Variants in PAX7 observed in about 807,000 individuals in gnomAD.
The protein encoded by PAX7 is paired box 7.
A neutral mutation model predicts 50.7 loss-of-function variants in PAX7; 18 were observed. The observed-to-expected ratio is 0.36, with a 90% CI of 0.25 to 0.53. PAX7 has a LOEUF of 0.53. Ranked by LOEUF, PAX7 falls within the 20% of genes least tolerant of loss-of-function variation. The pLI, the probability that PAX7 is intolerant of heterozygous loss-of-function variation, is 0.93. For missense variants in PAX7, 644 were observed against 702.9 expected (o/e 0.92, Z 0.95); for synonymous variants, 310 against 290.4 (o/e 1.07, Z -0.69).
At chr1:18,705,181 C>T (rs1570199447) in intron 7 of PAX7, among the ~76,000 whole-genome samples, 1 of 152,220 alleles carries the variant, frequency 6.6e-6, no homozygotes, top group African/African-American at 2.4e-5. Flanking sequence ...ACATGGAATA[C>T]AGCCTGTCGG....
intron 7 of PAX7, among the ~76,000 whole-genome samples, chr1:18,712,987 G>A (rs909064518): frequency 1.3e-5 from 2 of 152,092 alleles, no homozygotes; most frequent in African/African-American, 4.8e-5. Context: ...GAGGCTGAGG[G>A]GGGAGGATCG....
rs774118673 is a variant in PAX7 at position 18,735,877 on chromosome 1, G to C, written c.1401G>C (p.Gln467His). The change falls in exon 8 of 9, where the codon CAG (glutamine) becomes CAC (histidine). Residue 467 changes from glutamine to histidine, a missense_variant and splice_region_variant. Gln to His is a conservative substitution (Grantham distance 24, BLOSUM62 0). Transcript: ENST00000420770. The surrounding 1 kb of genome is among the most constrained non-coding windows in gnomAD (Gnocchi z 4.0). Reference sequence around the variant, plus strand: ...GCTATCAGTACGGCCAGTACGGCCAGAGTGAGTGCCTGGTGCCCTGGGCGT... The same window carrying C: ...GCTATCAGTACGGCCAGTACGGCCACAGTGAGTGCCTGGTGCCCTGGGCGT... ...VAGYQYGQYG[Q>H]TAVDYLAKNV... The C allele has an allele frequency of 1.2e-6, 2 of 1,614,132 alleles. No homozygotes were observed. The highest frequency in any genetic ancestry group is 2.2e-5 in the South Asian group (2 of 91,082).
intron 4 of PAX7, among the ~76,000 whole-genome samples, chr1:18,683,006 A>C (rs1300856234): frequency 6.6e-6 from 1 of 152,090 alleles, no homozygotes; most frequent in African/African-American, 2.4e-5. Context: ...AGGACAGGGG[A>C]GTACCTGTGT....
chr1:18,676,363 A>T (rs2088821151), intron 4 of PAX7, among the ~76,000 whole-genome samples: 1 of 143,540 alleles, frequency 7.0e-6, no homozygotes, highest in South Asian at 2.4e-4. Context: ...CAGTAGATTG[A>T]TGGGGGCACG....
At chr1:18,705,643 A>G (rs189602176) in intron 7 of PAX7, among the ~76,000 whole-genome samples, 17 of 152,260 alleles carry the variant, frequency 1.1e-4, no homozygotes, top group Middle Eastern at 3.4e-3. Context: ...AGGCCTCCAG[A>G]GTGTGGGTCG....
At chr1:18,647,293 C>A (rs1364603681) in intron 4 of PAX7, among the ~76,000 whole-genome samples, 1 of 152,152 alleles carries the variant, frequency 6.6e-6, no homozygotes, top group African/African-American at 2.4e-5. Context: ...GAGAAAGTTG[C>A]AGCCGTTGGA....
At chr1:18,728,112 C>T (rs911154730) in intron 7 of PAX7, among the ~76,000 whole-genome samples, 1 of 152,036 alleles carries the variant, frequency 6.6e-6, no homozygotes, top group Non-Finnish European at 1.5e-5. Context: ...TAGGGGCATG[C>T]GTGTGTCTGG....
chr1:18,634,651 G>A lies in PAX7; in HGVS notation c.321+113G>A. 1 of 785,372 alleles carries A rather than the reference G, an allele frequency of 1.3e-6. No homozygotes were observed. Among genetic ancestry groups the A allele is most frequent in the Non-Finnish European group, 2.1e-6 (1 of 486,640 alleles). 48.7% of individuals were successfully genotyped at this position (785,372 alleles called of 1,614,324 possible). A position where few individuals can be genotyped will look rare whatever the true frequency, so the allele number is the denominator to read the frequency against. On this transcript the variant is annotated intron_variant, in intron 2 of 8. Coordinates refer to ENST00000420770, the MANE Select transcript of PAX7 (RefSeq NM_001135254.2). The surrounding 1 kb of genome is among the most constrained non-coding windows in gnomAD (Gnocchi z 4.0). Reference sequence around the variant, plus strand: ...AGGCTGTAGGAAAGTACAGCTGGAGGGTGTCTTCTACTCCCAGATGTCCTC... The same window carrying A: ...AGGCTGTAGGAAAGTACAGCTGGAGAGTGTCTTCTACTCCCAGATGTCCTC...
rs1931543953 is a variant in PAX7 at position 18,748,525 on chromosome 1, A to G, written c.*3596A>G. 4.3e-6 allele frequency: 1 copy of G among 231,354 alleles called. No homozygotes were observed. Among genetic ancestry groups the G allele is most frequent in the South Asian group, 1.8e-4 (1 of 5,516 alleles). The allele number at this position is 231,354 out of a possible 1,614,324, so 14.3% of individuals were successfully genotyped here. A position where few individuals can be genotyped will look rare whatever the true frequency, so the allele number is the denominator to read the frequency against. Reference sequence around the variant, plus strand: ...TGTGTATTTGATGCTTCTTCAAGTCAGCTCTGACGTGGCCAATTCCCTGAC... The same window carrying G: ...TGTGTATTTGATGCTTCTTCAAGTCGGCTCTGACGTGGCCAATTCCCTGAC... On this transcript the variant is annotated 3_prime_UTR_variant, in exon 9 of 9. Transcript: ENST00000420770.
intron 5 of PAX7, among the ~76,000 whole-genome samples, chr1:18,692,708 T>C (rs1000468878): frequency 1.3e-5 from 2 of 152,224 alleles, no homozygotes; most frequent in East Asian, 3.9e-4. Flanking sequence ...GAGTGTTCTG[T>C]TACCGGAAGC....
intron 7 of PAX7, among the ~76,000 whole-genome samples, chr1:18,710,550 TA>T (rs931948111): frequency 2.6e-5 from 4 of 151,000 alleles, no homozygotes; most frequent in African/African-American, 7.3e-5. Context: ...GCCCAGAATT[TA>T]AAAAAAAACT....
At chr1:18,691,297 G>A (rs2089066249) in intron 4 of PAX7, among the ~76,000 whole-genome samples, 1 of 152,080 alleles carries the variant, frequency 6.6e-6, no homozygotes, top group African/African-American at 2.4e-5. Flanking sequence ...CTTAAAGTCA[G>A]GATTATTGAG....
At position 18,634,613 on chromosome 1, in the gene PAX7, A is replaced by C; in HGVS notation, c.321+75A>C. 8.5e-7 allele frequency: 1 copy of C among 1,171,590 alleles called. No homozygotes were observed. The highest frequency in any genetic ancestry group is 1.2e-6 in the Non-Finnish European group (1 of 801,050). 72.6% of individuals were successfully genotyped at this position (1,171,590 alleles called of 1,614,324 possible). On this transcript the variant is annotated intron_variant, in intron 2 of 8. Coordinates refer to ENST00000420770, the MANE Select transcript of PAX7 (RefSeq NM_001135254.2). This position sits in a 1 kb window ranked among gnomAD's most constrained non-coding sequence, Gnocchi z 4.0. Reference sequence around the variant, plus strand: ...GCTCCTGGTTGTGGCCCCTCTTACTACCTCGTGGCACCAGGCTGTAGGAAA... The same window carrying C: ...GCTCCTGGTTGTGGCCCCTCTTACTCCCTCGTGGCACCAGGCTGTAGGAAA...
chr1:18,722,267 C>T (rs1268069685), intron 7 of PAX7, among the ~76,000 whole-genome samples: 4 of 152,018 alleles, frequency 2.6e-5, no homozygotes, highest in Non-Finnish European at 2.9e-5. Flanking sequence ...TAGGATAAGG[C>T]GGGGACTCCA....
chr1:18,634,618 G>A lies in PAX7; in HGVS notation c.321+80G>A, dbSNP rs745983143. The A allele has an allele frequency of 3.3e-5, 38 of 1,145,172 alleles. 1 individual carries two copies. Among genetic ancestry groups the A allele is most frequent in the Non-Finnish European group, 3.9e-5 (30 of 778,416 alleles). The allele number at this position is 1,145,172 out of a possible 1,614,324, so 70.9% of individuals were successfully genotyped here. ...TGGTTGTGGCCCCTCTTACTACCTCGTGGCACCAGGCTGTAGGAAAGTACA... is the reference window on the plus strand; with the variant it reads ...TGGTTGTGGCCCCTCTTACTACCTCATGGCACCAGGCTGTAGGAAAGTACA... On this transcript the variant is annotated intron_variant, in intron 2 of 8. Transcript: ENST00000420770. The surrounding 1 kb of genome is among the most constrained non-coding windows in gnomAD (Gnocchi z 4.0).
At chr1:18,724,587 T>C (rs2100378324) in intron 7 of PAX7, among the ~76,000 whole-genome samples, 1 of 152,260 alleles carries the variant, frequency 6.6e-6, no homozygotes, top group East Asian at 1.9e-4. Flanking sequence ...GATGGTACTA[T>C]GGAGGTAGGA....
At chr1:18,717,176 C>G (rs1453338902) in intron 7 of PAX7, among the ~76,000 whole-genome samples, 1 of 152,176 alleles carries the variant, frequency 6.6e-6, no homozygotes, top group Non-Finnish European at 1.5e-5. Flanking sequence ...CCCTCGGGCT[C>G]GGCGGCCTGC....
chr1:18,690,633 G>A (rs1351404424), intron 4 of PAX7, among the ~76,000 whole-genome samples: 5 of 152,214 alleles, frequency 3.3e-5, no homozygotes, highest in Non-Finnish European at 7.3e-5. Context: ...CCTGGGAAGT[G>A]AGCTGACTCC....
intron 8 of PAX7, among the ~76,000 whole-genome samples, chr1:18,740,891 A>G (rs1931094915): frequency 6.6e-6 from 1 of 152,224 alleles, no homozygotes; most frequent in Non-Finnish European, 1.5e-5. Context: ...AACATAAGCC[A>G]GGCACAGAGA....
Sources: allele counts gnomAD v4.1 joint callset (sites outside exome capture counted in the v4.1 genomes callset), GRCh38; gene constraint gnomAD v4.1.1; non-coding constraint Gnocchi (gnomAD v3.1); transcripts MANE v1.5; gene names NCBI Gene and HGNC (gene_info 2026-07-23, HGNC 2026-07-21).